KCNK5: variants seen among roughly 807,000 people sequenced by gnomAD.
The protein encoded by KCNK5 is potassium two pore domain channel subfamily K member 5.
A neutral mutation model predicts 32.9 loss-of-function variants in KCNK5; 18 were observed. That is an observed-to-expected ratio of 0.55 (90% CI 0.38 to 0.81). KCNK5 has a LOEUF of 0.81. KCNK5 is among the 30% of genes least tolerant of loss of function. KCNK5 has a pLI of 0.00. For missense variants in KCNK5, 507 were observed against 651.0 expected, an observed-to-expected ratio of 0.78 and a Z score of 2.41; for synonymous variants, 276 against 275.3, an observed-to-expected ratio of 1.00 and a Z score of -0.03.
At chr6:39,192,283 C>CA (rs1226626372) in intron 4 of KCNK5, among the ~76,000 whole-genome samples, 7,232 of 46,650 alleles carry the variant, frequency 0.16, 2,147 homozygotes, top group African/African-American at 0.34. Context: ...GACTCCGTCT[C>CA]AAAAAAAAAA....
chr6:39,191,728 G>T lies in KCNK5; in HGVS notation c.662C>A (p.Ala221Asp), dbSNP rs1487408287. 4 of 1,613,058 alleles carry T rather than the reference G, an allele frequency of 2.5e-6. No homozygotes were observed. Among genetic ancestry groups the T allele is most frequent in the Non-Finnish European group, 3.4e-6 (4 of 1,179,298 alleles). Residue 221 changes from alanine (A) to aspartate (D), a missense_variant, in exon 5 of 5, where the codon GCC becomes GAC. Physicochemically the swap from Ala to Asp is moderately radical, Grantham distance 126. Coordinates refer to ENST00000359534, the MANE Select transcript of KCNK5 (RefSeq NM_003740.4). This position sits in a 1 kb window ranked among gnomAD's most constrained non-coding sequence, Gnocchi z 5.8. ...AGVNPSANYH[A>D]LYRYFVELWI... ...GAGCTCCACGAAGTAGCGGTACAGGGCGTGGTAGTTGGCGCTGGGGTTCAC... is the reference window on the plus strand; with the variant it reads ...GAGCTCCACGAAGTAGCGGTACAGGTCGTGGTAGTTGGCGCTGGGGTTCAC...
intron 1 of KCNK5, among the ~76,000 whole-genome samples, chr6:39,217,118 C>CAAAAAAAAAAAAA (rs57204833): frequency 7.8e-4 from 58 of 74,410 alleles, no homozygotes; most frequent in African/African-American, 2.0e-3. Context: ...AAAACTCCAT[C>CAAAAAAAAAAAAA]AAAAAAAAAA....
At chr6:39,200,856 G>C (rs924218332) in intron 1 of KCNK5, among the ~76,000 whole-genome samples, 1 of 152,230 alleles carries the variant, frequency 6.6e-6, no homozygotes, top group Admixed American at 6.5e-5. Context: ...CCTTGGCAGT[G>C]GTGGGGCATC....
chr6:39,219,331 C>T (rs929185912), intron 1 of KCNK5, among the ~76,000 whole-genome samples: 10 of 152,124 alleles, frequency 6.6e-5, no homozygotes, highest in Non-Finnish European at 1.3e-4. Context: ...AAGGCTGCCT[C>T]GAGCTGGAAG....
intron 1 of KCNK5, among the ~76,000 whole-genome samples, chr6:39,216,756 T>C (rs909250101): frequency 1.3e-5 from 2 of 152,180 alleles, no homozygotes; most frequent in African/African-American, 4.8e-5. Flanking sequence ...CTGGTGTGAC[T>C]ATCCTTGCTA....
In KCNK5 at chr6:39,191,890, T is replaced by A. The variant is rs373442465; in HGVS notation, c.635-135A>T. On this transcript the variant is annotated intron_variant, in intron 4 of 4. Coordinates refer to ENST00000359534, the MANE Select transcript of KCNK5 (RefSeq NM_003740.4). The surrounding 1 kb of genome is among the most constrained non-coding windows in gnomAD (Gnocchi z 5.8). ...GGGTGCAGTGGGATAGAAAGGGGCC[T>A]GTTCTAGACCCTGGACTATCCCATC... The A allele has an allele frequency of 4.5e-6, 4 of 895,590 alleles. No individual in the cohort carries two copies. Among genetic ancestry groups the A allele is most frequent in the African/African-American group, 3.3e-5 (2 of 59,770 alleles). The allele number at this position is 895,590 out of a possible 1,614,324, so 55.5% of individuals were successfully genotyped here.
At chr6:39,224,935 T>C (rs2113800122) in intron 1 of KCNK5, among the ~76,000 whole-genome samples, 1 of 152,122 alleles carries the variant, frequency 6.6e-6, no homozygotes, top group East Asian at 1.9e-4. Context: ...GACAAGCTCT[T>C]GCTCTGTTGC....
rs199498902 is a variant in KCNK5 at position 39,194,641 on chromosome 6, G to T, written c.418C>A (p.Arg140Ser). 4 of 1,613,964 alleles carry T rather than the reference G, an allele frequency of 2.5e-6. No individual in the cohort carries two copies. The African/African-American group carries it at 4.0e-5, about 16-fold the overall frequency. Residue 140 changes from arginine (R) to serine (S), a missense_variant, in exon 3 of 5, where the codon CGT becomes AGT. By Grantham distance (110) the Arg-to-Ser change is moderately radical. Around this residue, in one of 6 missense-constraint regions of KCNK5, gnomAD observed 143 missense variants for 219.1 expected, o/e 0.65. Transcript: ENST00000359534. The surrounding 1 kb of genome is among the most constrained non-coding windows in gnomAD (Gnocchi z 4.7). Reference protein sequence around the residue: ...ISALGKFFGGRAKRLGQFLTK... With the variant: ...ISALGKFFGGSAKRLGQFLTK... ...AGGAACTGCCCTAGTCTCTTGGCAC[G>T]TCCCCCGAAGAACTTGCCCAGGGCA...
At position 39,216,199 on chromosome 6, in the gene KCNK5, C is replaced by T. The variant is rs113796714; in HGVS notation, c.186+12727G>A. Among the ~76,000 whole-genome samples the T allele has an allele frequency of 8.7e-3, 1,318 of 152,282 alleles. 25 individuals carry two copies. Among genetic ancestry groups the T allele is most frequent in the African/African-American group, 0.03 (1,237 of 41,556 alleles). ...ACTCAGGAGGCTGAAACTGGAGAAT[C>T]GCTTGAACCTGGGAGGTGGAGGTTG... On this transcript the variant is annotated intron_variant, in intron 1 of 4. Coordinates refer to ENST00000359534, the MANE Select transcript of KCNK5 (RefSeq NM_003740.4).
At chr6:39,227,711 T>G (rs1771698900) in intron 1 of KCNK5, among the ~76,000 whole-genome samples, 1 of 152,164 alleles carries the variant, frequency 6.6e-6, no homozygotes, top group African/African-American at 2.4e-5. Context: ...TTCCAAATGC[T>G]TCCAACCTAA....
In KCNK5 at chr6:39,190,845, G is replaced by A. The variant is rs906779590; in HGVS notation, c.*45C>T. ...GTCATCTCGGGACACCCTAGGGTGA[G>A]GGGGGAAGAGGCCATCAAAGGTGGG... On this transcript the variant is annotated 3_prime_UTR_variant, in exon 5 of 5. Transcript: ENST00000359534. The A allele has an allele frequency of 6.9e-7, 1 of 1,444,716 alleles. No homozygotes were observed. Among genetic ancestry groups the A allele is most frequent in the Non-Finnish European group, 9.1e-7 (1 of 1,096,516 alleles). 89.5% of individuals were successfully genotyped at this position (1,444,716 alleles called of 1,614,324 possible). A position where few individuals can be genotyped will look rare whatever the true frequency, so the allele number is the denominator to read the frequency against.
intron 1 of KCNK5, among the ~76,000 whole-genome samples, chr6:39,209,053 T>G (rs755937262): frequency 2.0e-5 from 3 of 152,050 alleles, no homozygotes; most frequent in Non-Finnish European, 4.4e-5. Context: ...ATCACACCAC[T>G]GTACTCCAGC....
At position 39,207,118 on chromosome 6, in the gene KCNK5, C is replaced by T. The variant is rs556006617; in HGVS notation, c.187-11131G>A. 2.6e-5 allele frequency among the ~76,000 whole-genome samples: 4 copies of T among 152,326 alleles called. No homozygotes were observed. The South Asian group carries it at 8.3e-4, about 32-fold the overall frequency. On this transcript the variant is annotated intron_variant, in intron 1 of 4. Coordinates refer to ENST00000359534, the MANE Select transcript of KCNK5 (RefSeq NM_003740.4). Reference sequence around the variant, plus strand: ...AGCAGTTCACCCCCCTGTGCCTTTGCAGGTGCCTTCCTGCAGCTCACTCTT... The same window carrying T: ...AGCAGTTCACCCCCCTGTGCCTTTGTAGGTGCCTTCCTGCAGCTCACTCTT...
Position 39,191,395 on chromosome 6 carries a change from C to T in KCNK5, c.995G>A (p.Gly332Asp). ...GPGPGLGPQG[G>D]GLPALPPSLV... ...GGAAGGGGGCAGTGCTGGGAGCCCA[C>T]CGCCTTGAGGCCCCAGCCCTGGGCC... The change falls in exon 5 of 5, where the codon GGT becomes GAT. Residue 332 changes from glycine (G) to aspartate (D), a missense_variant. Physicochemically the swap from Gly to Asp is moderately conservative, Grantham distance 94 (BLOSUM62 -1). Transcript: ENST00000359534. The surrounding 1 kb of genome is among the most constrained non-coding windows in gnomAD (Gnocchi z 5.8). 6.2e-7 allele frequency: 1 copy of T among 1,613,346 alleles called. No individual in the cohort carries two copies. Among genetic ancestry groups the T allele is most frequent in the Non-Finnish European group, 8.5e-7 (1 of 1,180,008 alleles).
chr6:39,194,458 G>C lies in KCNK5; in HGVS notation c.466-121C>G, dbSNP rs1332820218. On this transcript the variant is annotated intron_variant, in intron 3 of 4. Coordinates refer to ENST00000359534, the MANE Select transcript of KCNK5 (RefSeq NM_003740.4). This position sits in a 1 kb window ranked among gnomAD's most constrained non-coding sequence, Gnocchi z 4.7. ...TAGCTGGGTACCCAGCCTGACCCGG[G>C]AGGGCAAGGAGCTCTGAAACTATCC... 9.2e-6 allele frequency: 13 copies of C among 1,415,140 alleles called. No homozygotes were observed. Among genetic ancestry groups the C allele is most frequent in the Non-Finnish European group, 1.3e-5 (13 of 1,037,938 alleles). 87.7% of individuals were successfully genotyped at this position (1,415,140 alleles called of 1,614,324 possible).
intron 1 of KCNK5, among the ~76,000 whole-genome samples, chr6:39,216,522 A>G (rs754836095): frequency 5.5e-4 from 84 of 152,258 alleles, no homozygotes; most frequent in Non-Finnish European, 9.4e-4. Flanking sequence ...ACTGGCAGCA[A>G]TTTAGGATAC....
intron 1 of KCNK5, among the ~76,000 whole-genome samples, chr6:39,227,452 TAGG>T (rs1771694241): frequency 6.6e-6 from 1 of 152,088 alleles, no homozygotes; most frequent in South Asian, 2.1e-4. Flanking sequence ...CTCTTGCTGT[TAGG>T]AGGTAAACCA....
At chr6:39,198,771 C>T (rs1012335522) in intron 1 of KCNK5, among the ~76,000 whole-genome samples, 11 of 152,196 alleles carry the variant, frequency 7.2e-5, no homozygotes, top group African/African-American at 2.7e-4. Flanking sequence ...GGGTGTCAGA[C>T]TTCACATGAT....
rs553742288 is a variant in KCNK5 at position 39,211,172 on chromosome 6, A to G, written c.187-15185T>C. 2.6e-5 allele frequency among the ~76,000 whole-genome samples: 4 copies of G among 152,298 alleles called. No homozygotes were observed. The East Asian group carries it at 5.8e-4, about 22-fold the overall frequency. On this transcript the variant is annotated intron_variant, in intron 1 of 4. Coordinates refer to ENST00000359534, the MANE Select transcript of KCNK5 (RefSeq NM_003740.4). ...ATCAGTGTACATTATGAACCATAAG[A>G]GCTGAGGGATACTTGGTGCTTCCCC...
Sources: gnomAD v4.1 joint callset for allele counts (sites outside exome capture counted in the v4.1 genomes callset) on GRCh38, gnomAD v4.1.1 for gene constraint, gnomAD v4.1.1 regional missense constraint, Gnocchi (gnomAD v3.1) non-coding constraint, MANE v1.5 for transcripts, NCBI Gene and HGNC (gene_info 2026-07-23, HGNC 2026-07-21) for gene names.